PADI6: variants seen among roughly 807,000 people sequenced by gnomAD.
The protein encoded by PADI6 is inactive protein-arginine deiminase type-6.
A neutral mutation model predicts 78.2 loss-of-function variants in PADI6; 66 were observed. The observed-to-expected ratio is 0.84, with a 90% confidence interval of 0.69 to 1.04. PADI6 has a LOEUF of 1.04. PADI6 is among the 50% of genes least tolerant of loss of function. PADI6 has a pLI of 0.00. For missense variants in PADI6, 854 were observed against 866.1 expected, an observed-to-expected ratio of 0.99 and a Z score of 0.18; for synonymous variants, 397 against 346.9, an observed-to-expected ratio of 1.14 and a Z score of -1.60.
At chr1:17,387,125 T>G (rs2075127642) in intron 6 of PADI6, among the ~76,000 whole-genome samples, 1 of 152,068 alleles carries the variant, frequency 6.6e-6, no homozygotes, top group African/African-American at 2.4e-5. Flanking sequence ...GTGGGAGAAG[T>G]CAGGGTCATT....
At chr1:17,380,186 A>G (rs559538742) in intron 4 of PADI6, among the ~76,000 whole-genome samples, 199 bp downstream of exon 4, 3 of 151,060 alleles carry the variant, frequency 2.0e-5, no homozygotes, top group African/African-American at 4.9e-5. Context: ...TTTGTGGGGT[A>G]TTTTTTTGTT....
In PADI6 at chr1:17,376,838, T is replaced by G. The variant is rs570009903; in HGVS notation, c.367+1339T>G. Among the ~76,000 whole-genome samples, 135 of 152,158 alleles carry G rather than the reference T, an allele frequency of 8.9e-4. 3 individuals are homozygous for G. The highest frequency in any genetic ancestry group is 3.1e-3 in the African/African-American group (130 of 41,518). ...AACTCTAACATCTACAACACTAAGT[T>G]TTTGGTTTGTGTGGGTTCTTTTGTG... On this transcript the variant is annotated intron_variant, in intron 3 of 15. Coordinates refer to ENST00000619609, the MANE Select transcript of PADI6 (RefSeq NM_207421.4).
chr1:17,394,416 G>T lies in PADI6; in HGVS notation c.1299G>T (p.Pro433=), dbSNP rs375984648. Residue 433 remains proline (P), a synonymous_variant, in exon 11 of 16, where the codon CCG becomes CCT. Transcript: ENST00000619609. ...PPVKVQGKEY[P]LGRVLIGSSF... is the part of the protein sequence containing the mutation. ...TCAAGGTCCAAGGGAAAGAGTACCC[G>T]CTGGGCAGAGTCCTCATTGGCAGCA... 2.2e-5 allele frequency: 36 copies of T among 1,613,504 alleles called. No individual in the cohort carries two copies. Among genetic ancestry groups the T allele is most frequent in the Non-Finnish European group, 2.9e-5 (34 of 1,179,792 alleles).
chr1:17,397,914 G>C (rs1434135306), intron 14 of PADI6, among the ~76,000 whole-genome samples: 1 of 152,126 alleles, frequency 6.6e-6, no homozygotes, highest in African/African-American at 2.4e-5. Context: ...CTGAGTATCA[G>C]ACTCAAATAG....
At chr1:17,380,944 C>G (rs1486479345) in intron 4 of PADI6, 103 bp from the exon 5 acceptor site, 2 of 942,040 alleles carry the variant, frequency 2.1e-6, no homozygotes, top group East Asian at 5.3e-5. Context: ...GTCCCTGTAC[C>G]CTGGAGAAAG....
intron 11 of PADI6, 68 bp downstream of exon 11, chr1:17,394,522 G>A (rs530903968): frequency 1.3e-6 from 2 of 1,512,900 alleles, no homozygotes; most frequent in South Asian, 1.2e-5. Flanking sequence ...GGCCCCGCCT[G>A]CTTCCCATAG....
At chr1:17,388,940 C>A in intron 8 of PADI6, 60 bp downstream of exon 8, 10 of 1,346,288 alleles carry the variant, frequency 7.4e-6, no homozygotes, top group Non-Finnish European at 1.0e-5. Flanking sequence ...CCTCTTCTTT[C>A]TATATGCAGG....
At chr1:17,377,142 CTTTATTTT>C (rs1184462720) in intron 3 of PADI6, among the ~76,000 whole-genome samples, 1 of 151,944 alleles carries the variant, frequency 6.6e-6, no homozygotes, top group African/African-American at 2.4e-5. Context: ...GCCCAGCTGA[CTTTATTTT>C]TTTATTTTAT....
intron 8 of PADI6, among the ~76,000 whole-genome samples, chr1:17,391,471 C>T (rs145312141): frequency 0.3 from 45,475 of 152,092 alleles, 7,113 homozygotes; most frequent in Middle Eastern, 0.42. Context: ...CCGCCCGCCT[C>T]AGCCTCCCAA....
intron 6 of PADI6, among the ~76,000 whole-genome samples, chr1:17,382,755 C>T (rs1003636510): frequency 1.3e-5 from 2 of 152,222 alleles, no homozygotes; most frequent in Admixed American, 6.5e-5. Flanking sequence ...TGCTTCTGGA[C>T]GGACATGCCA....
At chr1:17,389,178 G>A (rs747438001) in intron 8 of PADI6, among the ~76,000 whole-genome samples, 1 of 152,204 alleles carries the variant, frequency 6.6e-6, no homozygotes, top group African/African-American at 2.4e-5. Context: ...GTCAGGATGA[G>A]AACCTGTCCC....
At position 17,394,050 on chromosome 1, in the gene PADI6, G is replaced by T. The variant is rs560246479; in HGVS notation, c.1150G>T (p.Asp384Tyr). The T allele has an allele frequency of 1.1e-5, 18 of 1,613,754 alleles. No homozygotes were observed. The highest frequency in any genetic ancestry group is 1.5e-5 in the Non-Finnish European group (18 of 1,179,848). The change falls in exon 10 of 16, where the codon GAT becomes TAT. Residue 384 changes from aspartate to tyrosine, a missense_variant. Transcript: ENST00000619609. ...SLILDTPQAADLDEFPMKYSL... is the reference protein window; with the variant it reads ...SLILDTPQAAYLDEFPMKYSL... ...GATCCTCGACACACCTCAGGCCGCC[G>T]ATCTCGATGAGTTCCCCATGAAGTA...
chr1:17,382,984 C>T (rs559805528), intron 6 of PADI6, among the ~76,000 whole-genome samples: 1 of 152,214 alleles, frequency 6.6e-6, no homozygotes, highest in Non-Finnish European at 1.5e-5. Flanking sequence ...CGGGGTCTCA[C>T]TTTGCCCAGA....
intron 3 of PADI6, among the ~76,000 whole-genome samples, chr1:17,378,964 G>GT (rs2075045161): frequency 2.1e-5 from 3 of 140,436 alleles, no homozygotes; most frequent in African/African-American, 8.1e-5. Flanking sequence ...TTGGGGGGGG[G>GT]GACAGAATCT....
chr1:17,376,691 C>CT (rs1209420946), intron 3 of PADI6, among the ~76,000 whole-genome samples: 1 of 152,024 alleles, frequency 6.6e-6, no homozygotes, highest in African/African-American at 2.4e-5. Context: ...AGCCACTGTG[C>CT]TGGGCCTAGG....
rs920746260 is a variant in PADI6 at position 17,401,572 on chromosome 1, G to A, written c.*134G>A. 7 of 845,590 alleles carry A rather than the reference G, an allele frequency of 8.3e-6. No individual in the cohort carries two copies. Among genetic ancestry groups the A allele is most frequent in the African/African-American group, 1.7e-5 (1 of 58,280 alleles). The allele number at this position is 845,590 out of a possible 1,614,324, so 52.4% of individuals were successfully genotyped here. ...GAACCCTTTCTTCCCTGTCTGCCCC[G>A]ACCGACCCTCGGACCCAGTAGGATG... On this transcript the variant is annotated 3_prime_UTR_variant, in exon 16 of 16. Coordinates refer to ENST00000619609, the MANE Select transcript of PADI6 (RefSeq NM_207421.4).
At chr1:17,375,164 A>T (rs183352223) in intron 2 of PADI6, among the ~76,000 whole-genome samples, 1 of 152,198 alleles carries the variant, frequency 6.6e-6, no homozygotes, top group Admixed American at 6.5e-5. Flanking sequence ...GCCATCAGGG[A>T]TACAGCTCTC....
chr1:17,391,291 C>T (rs971193290), intron 8 of PADI6, among the ~76,000 whole-genome samples: 1 of 152,134 alleles, frequency 6.6e-6, no homozygotes, highest in African/African-American at 2.4e-5. Flanking sequence ...GTGATCTTGG[C>T]TCACTGCAGC....
chr1:17,393,868 G>A lies in PADI6; in HGVS notation c.1075-107G>A, dbSNP rs200069308. ...ATATCTGAGCTGGGTGTTGAGGGTTGAGCAGGAGTTGGCAGGAAGGAAGGG... is the reference window on the plus strand; with the variant it reads ...ATATCTGAGCTGGGTGTTGAGGGTTAAGCAGGAGTTGGCAGGAAGGAAGGG... On this transcript the variant is annotated intron_variant, in intron 9 of 15. Transcript: ENST00000619609. 291 of 921,596 alleles carry A rather than the reference G, an allele frequency of 3.2e-4. No individual in the cohort carries two copies. In the East Asian group the frequency reaches 5.5e-3, roughly 18 times the overall value. 57.1% of individuals were successfully genotyped at this position (921,596 alleles called of 1,614,324 possible). A position where few individuals can be genotyped will look rare whatever the true frequency, so the allele number is the denominator to read the frequency against.
Sources: allele counts gnomAD v4.1 joint callset (sites outside exome capture counted in the v4.1 genomes callset), GRCh38; gene constraint gnomAD v4.1.1; transcripts MANE v1.5; gene names NCBI Gene and HGNC (gene_info 2026-07-23, HGNC 2026-07-21).